FBXL7: variants seen among roughly 807,000 people sequenced by gnomAD.
FBXL7 encodes F-box/LRR-repeat protein 7.
Under a neutral mutation model 38.3 loss-of-function variants are expected in FBXL7, and 12 were observed. The observed-to-expected ratio is 0.31, with a 90% CI of 0.20 to 0.51. The LOEUF (loss-of-function observed/expected upper bound fraction) is 0.51. Among genes scored for constraint, FBXL7 ranks in the 20% least tolerant of loss-of-function variants. The probability of loss-of-function intolerance (pLI) is 0.98; values close to 1 mark genes in which losing one functional copy is unlikely to be tolerated. For synonymous variants in FBXL7, 297 were observed against 300.9 expected, an observed-to-expected ratio of 0.99 and a Z score of 0.13; for missense variants, 567 against 676.4, an observed-to-expected ratio of 0.84 and a Z score of 1.79.
At chr5:15,709,256 G>A (rs2126640751) in intron 2 of FBXL7, among the ~76,000 whole-genome samples, 1 of 152,274 alleles carries the variant, frequency 6.6e-6, no homozygotes, top group East Asian at 1.9e-4. Context: ...AATCCTGACA[G>A]CGTGTGGTAG....
chr5:15,915,105 T>C (rs1741548252), intron 2 of FBXL7, among the ~76,000 whole-genome samples: 1 of 152,220 alleles, frequency 6.6e-6, no homozygotes, highest in Non-Finnish European at 1.5e-5. Context: ...GAGCATGTGC[T>C]CTGCAATGTA....
intron 2 of FBXL7, among the ~76,000 whole-genome samples, chr5:15,907,808 G>C (rs1390118020): frequency 1.1e-5 from 1 of 87,202 alleles, no homozygotes; most frequent in South Asian, 4.8e-4. Flanking sequence ...TCCCAGGTTT[G>C]TCAAAGATCA....
chr5:15,915,920 G>A (rs754720569), intron 2 of FBXL7, among the ~76,000 whole-genome samples: 2 of 152,166 alleles, frequency 1.3e-5, no homozygotes, highest in African/African-American at 2.4e-5. Context: ...CAGTCAAAGT[G>A]AGGGACTTGG....
At chr5:15,629,746 G>A (rs755332292) in intron 2 of FBXL7, among the ~76,000 whole-genome samples, 8 of 152,052 alleles carry the variant, frequency 5.3e-5, no homozygotes, top group Non-Finnish European at 1.2e-4. Flanking sequence ...TGGAGTATTT[G>A]TCATTTAATA....
intron 3 of FBXL7, among the ~76,000 whole-genome samples, chr5:15,933,720 G>A (rs1266388535): frequency 6.6e-6 from 1 of 152,062 alleles, no homozygotes; most frequent in Non-Finnish European, 1.5e-5. Flanking sequence ...TATTCCCAGG[G>A]CCTGAGTGTC....
chr5:15,806,784 C>G (rs1160857590), intron 2 of FBXL7, among the ~76,000 whole-genome samples: 1 of 152,158 alleles, frequency 6.6e-6, no homozygotes, highest in African/African-American at 2.4e-5. Context: ...TACCTCTTCT[C>G]TAAGGAATGC....
intron 2 of FBXL7, among the ~76,000 whole-genome samples, chr5:15,736,385 A>G (rs547409460): frequency 6.6e-6 from 1 of 152,328 alleles, no homozygotes; most frequent in South Asian, 2.1e-4. Context: ...AGAAATCTAC[A>G]TAAATATAAT....
At position 15,672,546 on chromosome 5, in the gene FBXL7, G is replaced by A. The variant is rs573525175; in HGVS notation, c.127+56474G>A. Among the ~76,000 whole-genome samples the A allele has an allele frequency of 3.0e-4, 44 of 145,968 alleles. No individual in the cohort carries two copies. The East Asian group carries it at 7.0e-3, about 23-fold the overall frequency. On this transcript the variant is annotated intron_variant, in intron 2 of 3. Coordinates refer to ENST00000504595, the MANE Select transcript of FBXL7 (RefSeq NM_012304.5). ...AAGTTATACATTCAAATATGATTTT[G>A]TAATCTTTTTCTTTTTTTTTTTTTT...
chr5:15,826,975 AATG>A lies in FBXL7; in HGVS notation c.128-100907_128-100905del, dbSNP rs1579498044. Among the ~76,000 whole-genome samples, 3 of 151,486 alleles carry A rather than the reference AATG, an allele frequency of 2.0e-5. No individual in the cohort carries two copies. The East Asian group carries it at 5.8e-4, about 30-fold the overall frequency. On this transcript the variant is annotated intron_variant, in intron 2 of 3. Coordinates refer to ENST00000504595, the MANE Select transcript of FBXL7 (RefSeq NM_012304.5). ...CAAAGGATGATGGATCTAGCTACCT[AATG>A]ATGATGAGAGACAAGGTTCTCTCCA...
chr5:15,546,729 T>G (rs1737907317), intron 1 of FBXL7, among the ~76,000 whole-genome samples: 1 of 152,158 alleles, frequency 6.6e-6, no homozygotes, highest in African/African-American at 2.4e-5. Context: ...AGACCCTGTC[T>G]CAAAAACAAA....
At chr5:15,805,244 G>A (rs1012816384) in intron 2 of FBXL7, among the ~76,000 whole-genome samples, 1 of 152,122 alleles carries the variant, frequency 6.6e-6, no homozygotes, top group African/African-American at 2.4e-5. Context: ...GAATTTTCTG[G>A]GAGCACAGTT....
chr5:15,500,894 G>A (rs561779498), intron 1 of FBXL7, among the ~76,000 whole-genome samples, 181 bp downstream of exon 1: 2 of 152,286 alleles, frequency 1.3e-5, no homozygotes, highest in African/African-American at 4.8e-5. Flanking sequence ...GGCGCCCCGA[G>A]GATGCTTTTC....
chr5:15,548,581 A>G (rs1004040106), intron 1 of FBXL7, among the ~76,000 whole-genome samples: 3 of 152,180 alleles, frequency 2.0e-5, no homozygotes, highest in African/African-American at 7.2e-5. Context: ...GTAGAAATGT[A>G]TTGGCCACTG....
chr5:15,520,162 G>C (rs1737059510), intron 1 of FBXL7, among the ~76,000 whole-genome samples: 1 of 152,184 alleles, frequency 6.6e-6, no homozygotes, highest in Non-Finnish European at 1.5e-5. Context: ...GGCCATCTTG[G>C]TTTTGGTGGG....
At chr5:15,789,305 G>A (rs1337523634) in intron 2 of FBXL7, among the ~76,000 whole-genome samples, 2 of 152,108 alleles carry the variant, frequency 1.3e-5, no homozygotes, top group Non-Finnish European at 2.9e-5. Context: ...CAGCAGTTAC[G>A]TGAAGATATG....
intron 2 of FBXL7, among the ~76,000 whole-genome samples, chr5:15,652,420 C>A (rs1741741804): frequency 6.6e-6 from 1 of 152,132 alleles, no homozygotes; most frequent in Admixed American, 6.5e-5. Context: ...GTGCCCGCCA[C>A]CAAGCCCGGC....
chr5:15,653,381 G>A (rs1445327863), intron 2 of FBXL7, among the ~76,000 whole-genome samples: 4 of 152,102 alleles, frequency 2.6e-5, no homozygotes, highest in African/African-American at 9.7e-5. Flanking sequence ...GTTTTTGCAT[G>A]TGGAAGTTTC....
intron 2 of FBXL7, among the ~76,000 whole-genome samples, chr5:15,894,058 C>T (rs879341599): frequency 5.9e-5 from 9 of 152,336 alleles, no homozygotes; most frequent in Non-Finnish European, 1.0e-4. Context: ...GAGGCCAAGG[C>T]GGGCGGTCGG....
chr5:15,640,124 A>G (rs945308412), intron 2 of FBXL7, among the ~76,000 whole-genome samples: 5 of 152,294 alleles, frequency 3.3e-5, no homozygotes, highest in South Asian at 2.1e-4. Context: ...TGCCATAACA[A>G]AGTATAATAC....
Sources: gnomAD v4.1 joint callset for allele counts (sites outside exome capture counted in the v4.1 genomes callset) on GRCh38, gnomAD v4.1.1 for gene constraint, MANE v1.5 for transcripts, NCBI Gene and HGNC (gene_info 2026-07-23, HGNC 2026-07-21) for gene names.